Variants in ANO7 observed in about 807,000 individuals in gnomAD.
ANO7 encodes anoctamin 7.
Under a neutral mutation model 115.8 loss-of-function variants are expected in ANO7, and 114 were observed. That is an observed-to-expected ratio of 0.98 (90% confidence interval 0.85 to 1.15). The LOEUF (loss-of-function observed/expected upper bound fraction) is 1.15. Among genes scored for constraint, ANO7 ranks in the 50% most tolerant of loss-of-function variants. The probability of loss-of-function intolerance (pLI) is 0.00; values close to 1 mark genes in which losing one functional copy is unlikely to be tolerated. For synonymous variants in ANO7, 550 were observed against 498.2 expected, an observed-to-expected ratio of 1.10 and a Z score of -1.38; for missense variants, 1,302 against 1,201.2, an observed-to-expected ratio of 1.08 and a Z score of -1.24.
Position 241,190,147 on chromosome 2 carries a change from C to A in ANO7, c.84C>A (p.Tyr28Ter), listed in dbSNP as rs371479862. The change falls in exon 2 of 25, where the codon TAC becomes TAA. Residue 28 changes from tyrosine (Y) to a stop codon, truncating the protein, a stop_gained. Coordinates refer to ENST00000674324, the MANE Select transcript of ANO7 (RefSeq NM_001370694.2). LOFTEE classifies it high-confidence loss of function. ...SPPEAEKRGS[Y>*]GSTAHASEPG... Reference sequence around the variant, plus strand: ...CTGAGGCAGAGAAGAGGGGCTCTTACGGGAGCACAGCCCACGCCTCGGAGG... The same window carrying A: ...CTGAGGCAGAGAAGAGGGGCTCTTAAGGGAGCACAGCCCACGCCTCGGAGG... The A allele has an allele frequency of 1.1e-5, 18 of 1,570,970 alleles. No individual in the cohort carries two copies. The highest frequency in any genetic ancestry group is 1.9e-5 in the Admixed American group (1 of 53,484).
At position 241,209,397 on chromosome 2, in the gene ANO7, G is replaced by T; in HGVS notation, c.1190G>T (p.Arg397Leu). ...WKRKSATLAY[R>L]WDCSDYEDTE... ...CGGAAGAGCGCCACGCTGGCCTACC[G>T]CTGGGACTGCTCTGACTACGAGGAC... The change falls in exon 12 of 25, where the codon CGC (arginine) becomes CTC (leucine). Residue 397 changes from arginine (R) to leucine (L), a missense_variant. Arg to Leu is a moderately radical substitution (Grantham distance 102). Transcript: ENST00000674324. 2.5e-6 allele frequency: 4 copies of T among 1,584,820 alleles called. No homozygotes were observed. The highest frequency in any genetic ancestry group is 3.4e-6 in the Non-Finnish European group (4 of 1,166,286).
Position 241,224,091 on chromosome 2 carries a change from C to G in ANO7, c.2584-6C>G. 2.5e-6 allele frequency: 4 copies of G among 1,614,126 alleles called. No individual in the cohort carries two copies. Among genetic ancestry groups the G allele is most frequent in the Non-Finnish European group, 3.4e-6 (4 of 1,180,000 alleles). ...GACTTGTCCCTGCCCCCAACCCTCT[C>G]CCCAGCTCAGCTCCCACTGGACACC... On this transcript the variant is annotated splice_region_variant and splice_polypyrimidine_tract_variant and intron_variant, in intron 24 of 24. Transcript: ENST00000674324.
At chr2:241,212,397 T>C (rs2068736980) in intron 16 of ANO7, among the ~76,000 whole-genome samples, 175 bp from the exon 17 acceptor site, 1 of 152,100 alleles carries the variant, frequency 6.6e-6, no homozygotes, top group South Asian at 2.1e-4. Context: ...CACCTCTTGG[T>C]CCCTACCCAG....
chr2:241,210,291 G>A lies in ANO7; in HGVS notation c.1360-4G>A, dbSNP rs761271010. 94 of 1,613,692 alleles carry A rather than the reference G, an allele frequency of 5.8e-5. 1 individual carries two copies. The East Asian group carries it at 1.3e-3, about 22-fold the overall frequency. On this transcript the variant is annotated splice_region_variant and splice_polypyrimidine_tract_variant and intron_variant, in intron 13 of 24. Transcript: ENST00000674324. ...GGGTCTCACGGGCCTCCCTGCCCCC[G>A]CAGGTGGCCGTGGTGGTCATGTGCC... is the stretch of plus-strand genomic sequence containing the variant.
intron 3 of ANO7, among the ~76,000 whole-genome samples, chr2:241,194,190 T>C (rs2068267727): frequency 6.6e-6 from 1 of 151,554 alleles, no homozygotes; most frequent in Admixed American, 6.6e-5. Context: ...TTTTTTTTTT[T>C]TTTTTTTTTG....
At chr2:241,189,542 G>C (rs2068139346) in intron 1 of ANO7, among the ~76,000 whole-genome samples, 1 of 152,140 alleles carries the variant, frequency 6.6e-6, no homozygotes, top group African/African-American at 2.4e-5. Flanking sequence ...CCCAAGAGTT[G>C]TGAGGCCGGG....
At chr2:241,238,825 A>T in the ANO7 span, 5 of 1,482,990 alleles carry the variant, frequency 3.4e-6, no homozygotes, top group Non-Finnish European at 4.5e-6. This position sits in a 1 kb window ranked among gnomAD's most constrained non-coding sequence, Gnocchi z 4.9. Context: ...AAAAGAGCAA[A>T]GATTAAATTC....
intron 17 of ANO7, chr2:241,213,026 G>A (rs943197487): frequency 1.8e-5 from 4 of 223,280 alleles, no homozygotes; most frequent in African/African-American, 7.1e-5. Flanking sequence ...GTCCCAGCCC[G>A]TATTACTCTT....
intron 6 of ANO7, 130 bp from the exon 7 acceptor site, chr2:241,201,168 C>T (rs188373014): frequency 9.5e-6 from 10 of 1,049,508 alleles, no homozygotes; most frequent in East Asian, 3.0e-5. Flanking sequence ...TGTGCTTCTG[C>T]GTGCGCGCCA....
chr2:241,194,510 G>A (rs906711542), intron 3 of ANO7, among the ~76,000 whole-genome samples: 4 of 151,652 alleles, frequency 2.6e-5, no homozygotes, highest in African/African-American at 9.7e-5. Context: ...AGTAGATATG[G>A]GGTTTCACCG....
At chr2:241,217,132 C>T (rs1364184223) in intron 19 of ANO7, among the ~76,000 whole-genome samples, 1 of 152,242 alleles carries the variant, frequency 6.6e-6, no homozygotes, top group African/African-American at 2.4e-5. Context: ...CTGTGCCCGG[C>T]AGGCAGCTCT....
At chr2:241,211,739 C>T (rs2068724589) in intron 15 of ANO7, among the ~76,000 whole-genome samples, 1 of 152,128 alleles carries the variant, frequency 6.6e-6, no homozygotes, top group African/African-American at 2.4e-5. Context: ...CTCCTGTAAC[C>T]TTCAGCCTTT....
Position 241,203,525 on chromosome 2 carries a change from C to T in ANO7, c.889+27C>T. On this transcript the variant is annotated intron_variant, in intron 9 of 24. Coordinates refer to ENST00000674324, the MANE Select transcript of ANO7 (RefSeq NM_001370694.2). This position sits in a 1 kb window ranked among gnomAD's most constrained non-coding sequence, Gnocchi z 4.8. ...TGAGTCCCCCCCGCTGCCCCCCAGACCACCTGGGCCCCCCCAGCTTGGTGT... is the reference window on the plus strand; with the variant it reads ...TGAGTCCCCCCCGCTGCCCCCCAGATCACCTGGGCCCCCCCAGCTTGGTGT... 7.1e-7 allele frequency: 1 copy of T among 1,416,024 alleles called. No homozygotes were observed. The highest frequency in any genetic ancestry group is 9.3e-7 in the Non-Finnish European group (1 of 1,075,260). 87.7% of individuals were successfully genotyped at this position (1,416,024 alleles called of 1,614,324 possible). A position where few individuals can be genotyped will look rare whatever the true frequency, so the allele number is the denominator to read the frequency against.
intron 9 of ANO7, 132 bp from the exon 10 acceptor site, chr2:241,204,733 C>G: frequency 1.5e-6 from 1 of 647,904 alleles, no homozygotes; most frequent in Non-Finnish European, 2.7e-6. Flanking sequence ...CTCTTGGCCT[C>G]CTCACATAGG....
chr2:241,233,252 G>A, the ANO7 span, among the ~76,000 whole-genome samples: 2 of 152,202 alleles, frequency 1.3e-5, no homozygotes, highest in South Asian at 2.1e-4. This position sits in a 1 kb window ranked among gnomAD's most constrained non-coding sequence, Gnocchi z 4.3. Context: ...AGGCTGCCCT[G>A]CATGCCAGGT....
At chr2:241,229,794 C>CCCCCCCGGG, downstream of ANO7, 1 of 1,560,474 alleles carries the variant, frequency 6.4e-7, no homozygotes, top group Non-Finnish European at 8.7e-7. Flanking sequence ...GCCCGCCCAC[C>CCCCCCCGGG]CTCCCTGGGA....
intron 7 of ANO7, 58 bp downstream of exon 7, chr2:241,201,413 C>T: frequency 1.3e-6 from 2 of 1,554,682 alleles, no homozygotes; most frequent in Non-Finnish European, 1.8e-6. Flanking sequence ...GAGGATCCTG[C>T]CAGCCCCCAG....
downstream of ANO7, chr2:241,229,834 T>A: frequency 7.6e-7 from 1 of 1,310,738 alleles, no homozygotes; most frequent in Non-Finnish European, 1.0e-6. Flanking sequence ...GCATCTGACC[T>A]TCTCACTGCT....
intron 2 of ANO7, 138 bp downstream of exon 2, chr2:241,190,309 G>A: frequency 1.4e-6 from 1 of 697,362 alleles, no homozygotes; most frequent in Admixed American, 2.7e-5. Context: ...CAACCCCCAA[G>A]CCCTCGCCAC....
Sources: allele counts gnomAD v4.1 joint callset (sites outside exome capture counted in the v4.1 genomes callset), GRCh38; gene constraint gnomAD v4.1.1; non-coding constraint Gnocchi (gnomAD v3.1); transcripts MANE v1.5; gene names NCBI Gene and HGNC (gene_info 2026-07-23, HGNC 2026-07-21).